The following WWOX variants were observed in gnomAD, a reference collection of about 807,000 sequenced individuals.
WWOX encodes the protein WW domain-containing oxidoreductase.
A neutral mutation model predicts 46.2 loss-of-function variants in WWOX; 69 were observed. The observed-to-expected ratio is 1.49, with a 90% CI of 1.23 to 1.82. The LOEUF (loss-of-function observed/expected upper bound fraction) is 1.82, where lower values mean the gene tolerates loss of function less well. Ranked by LOEUF, WWOX falls within the 40% of genes most tolerant of loss-of-function variation. The probability of loss-of-function intolerance (pLI) is 0.00; values close to 1 mark genes in which losing one functional copy is unlikely to be tolerated. For synonymous variants in WWOX, 359 were observed against 202.6 expected (o/e 1.77, Z -6.56); for missense variants, 919 against 542.6 (o/e 1.69, Z -6.89).
chr16:78,398,694 G>A (rs1317276112), intron 6 of WWOX, among the ~76,000 whole-genome samples: 2 of 152,160 alleles, frequency 1.3e-5, no homozygotes, highest in African/African-American at 2.4e-5. Context: ...TGTAATATCT[G>A]TGCTACAACT....
intron 8 of WWOX, among the ~76,000 whole-genome samples, chr16:78,624,994 C>G (rs1267072953): frequency 6.6e-6 from 1 of 152,150 alleles, no homozygotes. Flanking sequence ...CCCGCTGACC[C>G]TGAGTTCTGC....
At chr16:78,787,950 G>C (rs940119153) in intron 8 of WWOX, among the ~76,000 whole-genome samples, 1 of 152,150 alleles carries the variant, frequency 6.6e-6, no homozygotes, top group Admixed American at 6.5e-5. Flanking sequence ...TTTTAAAATA[G>C]AAATGTTGAT....
At chr16:78,978,740 G>A (rs933367663) in intron 8 of WWOX, among the ~76,000 whole-genome samples, 8 of 152,092 alleles carry the variant, frequency 5.3e-5, no homozygotes, top group Non-Finnish European at 1.2e-4. Context: ...TTCAACCACC[G>A]AATCGCATGA....
chr16:78,947,428 T>C (rs1277186408), intron 8 of WWOX, among the ~76,000 whole-genome samples: 1 of 152,226 alleles, frequency 6.6e-6, no homozygotes, highest in African/African-American at 2.4e-5. Flanking sequence ...ATCTTGCTTT[T>C]GAGTGCTAAC....
chr16:78,731,028 T>C (rs2048957678), intron 8 of WWOX, among the ~76,000 whole-genome samples: 1 of 152,190 alleles, frequency 6.6e-6, no homozygotes, highest in Non-Finnish European at 1.5e-5. Context: ...GTTACCGTAC[T>C]ATCCAACACA....
intron 5 of WWOX, among the ~76,000 whole-genome samples, chr16:78,367,319 A>G (rs770683004): frequency 3.3e-5 from 5 of 152,088 alleles, no homozygotes; most frequent in East Asian, 1.9e-4. Flanking sequence ...AATTTGTTCA[A>G]CCTGCAGCCT....
chr16:78,240,988 T>A (rs1477691307), intron 5 of WWOX, among the ~76,000 whole-genome samples: 1 of 152,072 alleles, frequency 6.6e-6, no homozygotes, highest in Non-Finnish European at 1.5e-5. Flanking sequence ...TCTCTCAACG[T>A]CCTGACCTCC....
At chr16:78,351,908 C>T (rs1188677413) in intron 5 of WWOX, among the ~76,000 whole-genome samples, 1 of 152,216 alleles carries the variant, frequency 6.6e-6, no homozygotes, top group African/African-American at 2.4e-5. Flanking sequence ...ATGCGCCCCT[C>T]AGCCTCCCAA....
Position 79,162,203 on chromosome 16 carries a change from G to T in WWOX, c.1057-49405G>T, listed in dbSNP as rs141956226. Among the ~76,000 whole-genome samples, 320 of 152,300 alleles carry T rather than the reference G, an allele frequency of 2.1e-3. 1 individual carries two copies. The highest frequency in any genetic ancestry group is 7.1e-3 in the African/African-American group (293 of 41,556). On this transcript the variant is annotated intron_variant, in intron 8 of 8. Coordinates refer to ENST00000566780, the MANE Select transcript of WWOX (RefSeq NM_016373.4). ...ATATTTTTATATTTGCCTTTGGGTTGATGAGATGCTGGTATGTATCATTCG... is the reference window on the plus strand; with the variant it reads ...ATATTTTTATATTTGCCTTTGGGTTTATGAGATGCTGGTATGTATCATTCG...
At chr16:78,146,799 A>C (rs2034214633) in intron 4 of WWOX, among the ~76,000 whole-genome samples, 1 of 152,192 alleles carries the variant, frequency 6.6e-6, no homozygotes, top group Non-Finnish European at 1.5e-5. Context: ...CAAAAAGGTC[A>C]AACTCGCAAT....
chr16:78,877,166 G>C (rs570804285), intron 8 of WWOX, among the ~76,000 whole-genome samples: 35 of 152,270 alleles, frequency 2.3e-4, no homozygotes, highest in African/African-American at 6.7e-4. Context: ...GGAAGGAAAC[G>C]AGAAAAGTTA....
In WWOX at chr16:79,211,927, C is replaced by T. The variant is rs1338999884; in HGVS notation, c.*131C>T. 6.5e-7 allele frequency: 1 copy of T among 1,539,276 alleles called. No individual in the cohort carries two copies. ...AGAGTAAAGGAAATAAGAGCAGTCA[C>T]AACAGAGTGAAAAATCTTAAGTACC... On this transcript the variant is annotated 3_prime_UTR_variant, in exon 9 of 9. Coordinates refer to ENST00000566780, the MANE Select transcript of WWOX (RefSeq NM_016373.4).
At chr16:78,921,738 C>T (rs1291468104) in intron 8 of WWOX, among the ~76,000 whole-genome samples, 2 of 152,144 alleles carry the variant, frequency 1.3e-5, no homozygotes, top group African/African-American at 4.8e-5. Flanking sequence ...TCATGGGCTA[C>T]TGTGAGGAGT....
At chr16:78,389,305 A>G (rs2082128394) in intron 6 of WWOX, among the ~76,000 whole-genome samples, 1 of 152,148 alleles carries the variant, frequency 6.6e-6, no homozygotes, top group Non-Finnish European at 1.5e-5. Context: ...CCTTCACTTC[A>G]CACACATTTC....
intron 8 of WWOX, among the ~76,000 whole-genome samples, chr16:78,719,448 C>G (rs1020886141): frequency 6.6e-6 from 1 of 152,212 alleles, no homozygotes. Context: ...TGGACTGTCA[C>G]ATGTGCACTG....
intron 8 of WWOX, among the ~76,000 whole-genome samples, chr16:78,847,092 C>G (rs1232118963): frequency 6.6e-6 from 1 of 152,162 alleles, no homozygotes; most frequent in Admixed American, 6.5e-5. Context: ...CTGTAAGAGG[C>G]TTTACACTGT....
intron 8 of WWOX, among the ~76,000 whole-genome samples, chr16:78,843,918 C>G (rs779103614): frequency 6.6e-6 from 1 of 152,132 alleles, no homozygotes. Context: ...CACTCGGTTC[C>G]TAATGGCAGA....
intron 8 of WWOX, among the ~76,000 whole-genome samples, chr16:79,108,881 A>T (rs1016826590): frequency 6.6e-6 from 1 of 152,024 alleles, no homozygotes; most frequent in Non-Finnish European, 1.5e-5. Context: ...AGCATACGTG[A>T]CAGAGCAAGA....
intron 8 of WWOX, among the ~76,000 whole-genome samples, chr16:78,967,188 C>A (rs923745934): frequency 2.0e-5 from 3 of 151,750 alleles, no homozygotes; most frequent in Admixed American, 1.3e-4. Context: ...TGAGAGATAC[C>A]TGGAAGGAAA....
Sources: allele counts gnomAD v4.1 joint callset (sites outside exome capture counted in the v4.1 genomes callset), GRCh38; gene constraint gnomAD v4.1.1; transcripts MANE v1.5; gene names NCBI Gene and HGNC (gene_info 2026-07-23, HGNC 2026-07-21).